Variants in MCTP1 observed in about 807,000 individuals in gnomAD.
MCTP1 encodes the protein multiple C2 and transmembrane domain-containing protein 1.
MCTP1 carries 69 observed loss-of-function variants against 120.6 expected under a neutral mutation model. The ratio of observed to expected loss-of-function variants is 0.57; its 90% confidence interval spans 0.47 to 0.70. The LOEUF (loss-of-function observed/expected upper bound fraction) is 0.70. MCTP1 is among the 30% of genes least tolerant of loss of function. The pLI, the probability that MCTP1 is intolerant of heterozygous loss-of-function variation, is 0.00. For missense variants in MCTP1, 1,203 were observed against 1,248.8 expected (o/e 0.96, Z 0.55); for synonymous variants, 529 against 493.1 (o/e 1.07, Z -0.96).
intron 1 of MCTP1, among the ~76,000 whole-genome samples, chr5:95,256,391 GACT>G (rs1757890411): frequency 6.6e-6 from 1 of 152,174 alleles, no homozygotes; most frequent in Non-Finnish European, 1.5e-5. Flanking sequence ...ACCCATCTCA[GACT>G]GCTGGCTCTC....
At chr5:95,083,613 AC>A (rs1203742655) in intron 1 of MCTP1, among the ~76,000 whole-genome samples, 1 of 152,152 alleles carries the variant, frequency 6.6e-6, no homozygotes, top group Non-Finnish European at 1.5e-5. Flanking sequence ...TGTATCTGCT[AC>A]CACATTGTCT....
rs935046477 is a variant in MCTP1 at position 94,706,360 on chromosome 5, A to G, written c.*1136T>C. 6.6e-6 allele frequency: 1 copy of G among 151,742 alleles called. No individual in the cohort carries two copies. Among genetic ancestry groups the G allele is most frequent in the African/African-American group, 2.4e-5 (1 of 41,386 alleles). 9.4% of individuals were successfully genotyped at this position (151,742 alleles called of 1,614,324 possible). ...TTTTAAGTATAGATTCTATGATAAT[A>G]GTGAAACATTGATAAAGGCAACCAC... On this transcript the variant is annotated 3_prime_UTR_variant, in exon 23 of 23. Coordinates refer to ENST00000515393, the MANE Select transcript of MCTP1 (RefSeq NM_024717.7).
chr5:94,864,056 C>T (rs1796319346), intron 17 of MCTP1, among the ~76,000 whole-genome samples: 1 of 151,704 alleles, frequency 6.6e-6, no homozygotes, highest in African/African-American at 2.4e-5. Flanking sequence ...AATAATGAAC[C>T]AGAGTGGCTT....
At chr5:95,212,896 C>G (rs1436524103) in intron 1 of MCTP1, among the ~76,000 whole-genome samples, 1 of 152,170 alleles carries the variant, frequency 6.6e-6, no homozygotes, top group African/African-American at 2.4e-5. Context: ...GACAAACCCA[C>G]AGCCAATATC....
intron 17 of MCTP1, among the ~76,000 whole-genome samples, chr5:94,825,583 C>G (rs1031595166): frequency 6.6e-6 from 1 of 152,094 alleles, no homozygotes; most frequent in Non-Finnish European, 1.5e-5. Flanking sequence ...GAGTTCAAGT[C>G]CTGAACATCC....
intron 1 of MCTP1, among the ~76,000 whole-genome samples, chr5:95,054,404 C>T (rs1746814260): frequency 6.6e-6 from 1 of 152,188 alleles, no homozygotes; most frequent in African/African-American, 2.4e-5. Context: ...ATTAGCTATT[C>T]TGTGCAAGGC....
chr5:95,008,414 A>G (rs2153651952), intron 2 of MCTP1, among the ~76,000 whole-genome samples: 1 of 152,222 alleles, frequency 6.6e-6, no homozygotes, highest in Admixed American at 6.5e-5. Context: ...TTGAATAAAG[A>G]ATGCACTGCT....
At chr5:95,062,459 A>G (rs574073511) in intron 1 of MCTP1, among the ~76,000 whole-genome samples, 1 of 152,300 alleles carries the variant, frequency 6.6e-6, no homozygotes, top group South Asian at 2.1e-4. Context: ...TTGAGGCTAT[A>G]AGGAAAAGAG....
At chr5:95,173,633 A>G (rs1747613309) in intron 1 of MCTP1, among the ~76,000 whole-genome samples, 1 of 152,202 alleles carries the variant, frequency 6.6e-6, no homozygotes, top group Non-Finnish European at 1.5e-5. Context: ...TGACATTTAG[A>G]GCAATTTACC....
chr5:95,264,170 G>A (rs577290034), intron 1 of MCTP1, among the ~76,000 whole-genome samples: 20 of 152,302 alleles, frequency 1.3e-4, no homozygotes, highest in African/African-American at 4.6e-4. Context: ...TTTATCCCTT[G>A]AGCGTCAGTA....
Position 94,798,863 on chromosome 5 carries a change from T to C in MCTP1, c.2556+150A>G, listed in dbSNP as rs568562598. 1.4e-4 allele frequency: 89 copies of C among 657,462 alleles called. No homozygotes were observed. In the South Asian group the frequency reaches 1.8e-3, roughly 13 times the overall value. 40.7% of individuals were successfully genotyped at this position (657,462 alleles called of 1,614,324 possible). On this transcript the variant is annotated intron_variant, in intron 18 of 22. Transcript: ENST00000515393. ...TCTCTATTGTGTTAGGACCAAAGAG[T>C]TGTTAGTTTTGACCTGATAAAACTT...
intron 12 of MCTP1, among the ~76,000 whole-genome samples, chr5:94,878,258 A>G (rs1383562935): frequency 6.6e-6 from 1 of 152,122 alleles, no homozygotes; most frequent in East Asian, 1.9e-4. Flanking sequence ...GACATCTTCC[A>G]TCCTCCTTTT....
At chr5:95,278,364 A>G (rs532089954) in intron 1 of MCTP1, among the ~76,000 whole-genome samples, 161 of 152,324 alleles carry the variant, frequency 1.1e-3, no homozygotes, top group South Asian at 4.8e-3. Flanking sequence ...CTTGAGAAAA[A>G]GGTGCCTCTT....
intron 6 of MCTP1, among the ~76,000 whole-genome samples, chr5:94,926,372 T>G (rs754158575): frequency 6.6e-6 from 1 of 152,144 alleles, no homozygotes; most frequent in East Asian, 1.9e-4. Context: ...TTTTGGCCAC[T>G]TAAGAGATTA....
At chr5:94,863,885 T>A (rs926755235) in intron 17 of MCTP1, among the ~76,000 whole-genome samples, 3 of 151,784 alleles carry the variant, frequency 2.0e-5, no homozygotes, top group African/African-American at 7.3e-5. Context: ...GCATACAACA[T>A]CTTTGTTTTT....
intron 9 of MCTP1, 130 bp from the exon 10 acceptor site, chr5:94,909,511 AT>A: frequency 1.2e-6 from 1 of 833,374 alleles, no homozygotes; most frequent in Non-Finnish European, 1.8e-6. Context: ...TGAAAAAAAG[AT>A]TACAGAAATA....
At chr5:94,776,575 A>G (rs577269632) in intron 19 of MCTP1, among the ~76,000 whole-genome samples, 2 of 152,306 alleles carry the variant, frequency 1.3e-5, no homozygotes, top group East Asian at 3.9e-4. Context: ...GTTCAATTAA[A>G]GTGAGGCTTT....
chr5:95,163,800 G>A (rs544457406), intron 1 of MCTP1, among the ~76,000 whole-genome samples: 9 of 152,218 alleles, frequency 5.9e-5, no homozygotes, highest in African/African-American at 2.2e-4. Flanking sequence ...GGACATATTT[G>A]TAACTTTTCT....
intron 1 of MCTP1, among the ~76,000 whole-genome samples, chr5:95,193,155 C>A (rs990005812): frequency 2.6e-5 from 4 of 152,040 alleles, no homozygotes; most frequent in Admixed American, 1.3e-4. Flanking sequence ...GTTTAATAAA[C>A]ATCTAAAGAG....
Sources: allele counts gnomAD v4.1 joint callset (sites outside exome capture counted in the v4.1 genomes callset), GRCh38; gene constraint gnomAD v4.1.1; transcripts MANE v1.5; gene names NCBI Gene and HGNC (gene_info 2026-07-23, HGNC 2026-07-21).